GRIP1: variants seen among roughly 807,000 people sequenced by gnomAD.
GRIP1 encodes the protein glutamate receptor-interacting protein 1.
Under a neutral mutation model 129.9 loss-of-function variants are expected in GRIP1, and 45 were observed. The observed-to-expected ratio is 0.35, with a 90% CI of 0.27 to 0.44. GRIP1 has a LOEUF of 0.44. GRIP1 is among the 20% of genes least tolerant of loss of function. The pLI is 1.00. For synonymous variants in GRIP1, 530 were observed against 520.8 expected, an observed-to-expected ratio of 1.02 and a Z score of -0.24; for missense variants, 1,196 against 1,396.8, an observed-to-expected ratio of 0.86 and a Z score of 2.29.
intron 1 of GRIP1, among the ~76,000 whole-genome samples, chr12:66,815,061 A>G (rs781512263): frequency 3.3e-5 from 5 of 152,198 alleles, no homozygotes; most frequent in Non-Finnish European, 7.3e-5. Flanking sequence ...TAGCCAAACT[A>G]TATCAGCAGA....
At chr12:66,844,148 A>AG (rs1164226061) in intron 1 of GRIP1, among the ~76,000 whole-genome samples, 8 of 152,188 alleles carry the variant, frequency 5.3e-5, no homozygotes, top group African/African-American at 1.9e-4. Flanking sequence ...ACTTGAATAG[A>AG]CATTCTTCCA....
At chr12:66,870,010 T>G (rs1487513610) in intron 1 of GRIP1, among the ~76,000 whole-genome samples, 2 of 152,040 alleles carry the variant, frequency 1.3e-5, no homozygotes, top group East Asian at 3.9e-4. Context: ...TTGCAGAACA[T>G]TCAGCATCAT....
chr12:66,541,647 C>A (rs1232742561), intron 3 of GRIP1, among the ~76,000 whole-genome samples, 168 bp downstream of exon 3: 1 of 152,248 alleles, frequency 6.6e-6, no homozygotes, highest in Non-Finnish European at 1.5e-5. Flanking sequence ...ATGGGCAGAC[C>A]TGGGGAACAG....
intron 1 of GRIP1, among the ~76,000 whole-genome samples, chr12:66,652,148 G>A (rs777049245): frequency 7.9e-5 from 12 of 152,158 alleles, no homozygotes; most frequent in Non-Finnish European, 1.8e-4. Flanking sequence ...AGCTATGGGA[G>A]TGAAATGGGT....
chr12:66,469,827 AC>A (rs2059387782), intron 7 of GRIP1, among the ~76,000 whole-genome samples: 1 of 152,116 alleles, frequency 6.6e-6, no homozygotes, highest in South Asian at 2.1e-4. Flanking sequence ...GTCACTTAGA[AC>A]AATTTTTGGA....
chr12:66,381,159 G>A (rs531019225), intron 19 of GRIP1, among the ~76,000 whole-genome samples: 1 of 152,276 alleles, frequency 6.6e-6, no homozygotes. Flanking sequence ...ACCACCACAT[G>A]ATGGAAATAC....
chr12:66,796,068 C>G (rs906157651), intron 1 of GRIP1, among the ~76,000 whole-genome samples: 1 of 152,052 alleles, frequency 6.6e-6, no homozygotes, highest in Non-Finnish European at 1.5e-5. Context: ...ACCATCTTTT[C>G]ATACCCCCAA....
At chr12:66,650,547 T>C (rs2032719006) in intron 1 of GRIP1, among the ~76,000 whole-genome samples, 1 of 152,176 alleles carries the variant, frequency 6.6e-6, no homozygotes, top group African/African-American at 2.4e-5. Flanking sequence ...AATGGAAATA[T>C]GTCACACATT....
chr12:66,861,062 A>G (rs2040103653), intron 1 of GRIP1, among the ~76,000 whole-genome samples: 1 of 152,086 alleles, frequency 6.6e-6, no homozygotes, highest in South Asian at 2.1e-4. Flanking sequence ...AGGACAAGCT[A>G]TTAAGTGAAC....
chr12:67,027,354 G>C (rs1348784572), intron 1 of GRIP1, among the ~76,000 whole-genome samples: 1 of 152,196 alleles, frequency 6.6e-6, no homozygotes, highest in East Asian at 1.9e-4. Flanking sequence ...TGTCTGTGCA[G>C]GAAGCAAATG....
At chr12:66,575,065 C>T (rs184304245) in intron 2 of GRIP1, among the ~76,000 whole-genome samples, 114 of 152,300 alleles carry the variant, frequency 7.5e-4, no homozygotes, top group African/African-American at 2.6e-3. Flanking sequence ...AGCCACCGTG[C>T]CCGGCCTCCA....
chr12:66,850,051 A>G (rs935159867), intron 1 of GRIP1, among the ~76,000 whole-genome samples: 1 of 152,178 alleles, frequency 6.6e-6, no homozygotes, highest in East Asian at 1.9e-4. Flanking sequence ...TGTTTGACTT[A>G]TGGAGATACT....
At chr12:66,582,462 A>G (rs1405201084) in intron 2 of GRIP1, among the ~76,000 whole-genome samples, 1 of 149,648 alleles carries the variant, frequency 6.7e-6, no homozygotes, top group Non-Finnish European at 1.5e-5. Flanking sequence ...GAGGAAGTCA[A>G]ATTGTCTCTG....
intron 1 of GRIP1, among the ~76,000 whole-genome samples, chr12:66,856,161 C>T (rs1394223361): frequency 6.6e-6 from 1 of 152,086 alleles, no homozygotes; most frequent in Non-Finnish European, 1.5e-5. Context: ...GGAAAACTGG[C>T]TAGCCATATG....
At chr12:66,527,535 G>T (rs12579342) in intron 5 of GRIP1, among the ~76,000 whole-genome samples, 1,814 of 151,822 alleles carry the variant, frequency 0.012, 41 homozygotes, top group East Asian at 0.1. Context: ...GGGGTGTGGG[G>T]ATGGGGGAGG....
chr12:66,603,297 G>C lies in GRIP1; in HGVS notation c.56-6370C>G, dbSNP rs576296943. Among the ~76,000 whole-genome samples the C allele has an allele frequency of 5.9e-5, 9 of 152,240 alleles. 1 individual carries two copies. The highest frequency in any genetic ancestry group is 2.2e-4 in the African/African-American group (9 of 41,552). ...ACCATAATCTGATAAACACTTCAGG[G>C]ATTAAATATTGAAGCTAAAAAGAAT... On this transcript the variant is annotated intron_variant, in intron 1 of 24. Coordinates refer to ENST00000359742, the MANE Select transcript of GRIP1 (RefSeq NM_001366722.1).
intron 1 of GRIP1, among the ~76,000 whole-genome samples, chr12:67,039,791 T>C (rs1054420022): frequency 6.6e-6 from 1 of 152,214 alleles, no homozygotes; most frequent in East Asian, 1.9e-4. Flanking sequence ...CTAGGCCTTC[T>C]TGAGTGCTCA....
intron 1 of GRIP1, among the ~76,000 whole-genome samples, chr12:67,039,450 C>CA (rs1163817271): frequency 5.3e-5 from 8 of 152,162 alleles, no homozygotes; most frequent in African/African-American, 1.4e-4. Context: ...ACTAGCCACA[C>CA]AGTCAGTAGG....
chr12:66,883,769 A>G (rs1249470472), intron 1 of GRIP1, among the ~76,000 whole-genome samples: 1 of 152,250 alleles, frequency 6.6e-6, no homozygotes, highest in South Asian at 2.1e-4. Flanking sequence ...ACTATACTAC[A>G]TAGTGGAGAA....
Sources: allele counts gnomAD v4.1 joint callset (sites outside exome capture counted in the v4.1 genomes callset), GRCh38; gene constraint gnomAD v4.1.1; transcripts MANE v1.5; gene names NCBI Gene and HGNC (gene_info 2026-07-23, HGNC 2026-07-21).